Variants in ZNF638 observed in about 807,000 individuals in gnomAD.
The protein encoded by ZNF638 is zinc finger protein 638, also known as CTCL tumor antigen se33-1.
ZNF638 carries 46 observed loss-of-function variants against 195.6 expected under a neutral mutation model. The observed-to-expected ratio is 0.24, with a 90% CI of 0.19 to 0.30. The LOEUF (loss-of-function observed/expected upper bound fraction) is 0.30. ZNF638 is among the 10% of genes least tolerant of loss of function. The pLI is 1.00. For missense variants in ZNF638, 2,440 were observed against 2,325.3 expected, an observed-to-expected ratio of 1.05 and a Z score of -1.01; for synonymous variants, 845 against 772.0, an observed-to-expected ratio of 1.09 and a Z score of -1.57.
At chr2:71,414,203 G>A (rs1475344840) in intron 20 of ZNF638, among the ~76,000 whole-genome samples, 1 of 72,734 alleles carries the variant, frequency 1.4e-5, no homozygotes, top group African/African-American at 5.5e-5. Context: ...GTTTAGTCTT[G>A]GGAGAGTGTA....
At chr2:71,417,523 C>T (rs1478448501) in intron 20 of ZNF638, among the ~76,000 whole-genome samples, 1 of 131,984 alleles carries the variant, frequency 7.6e-6, no homozygotes, top group Admixed American at 7.5e-5. Context: ...AAAGGCACTT[C>T]AGTTGTCTGA....
intron 18 of ZNF638, 146 bp from the exon 19 acceptor site, chr2:71,405,982 C>T: frequency 1.2e-6 from 1 of 855,740 alleles, no homozygotes; most frequent in Non-Finnish European, 1.8e-6. Flanking sequence ...AAATTAAGAC[C>T]TCACTGTCTT....
At chr2:71,407,426 T>G (rs2080127860) in intron 19 of ZNF638, 2 of 152,242 alleles carry the variant, frequency 1.3e-5, no homozygotes, top group African/African-American at 2.4e-5. Flanking sequence ...TTCTCTTGTT[T>G]CCTTTAAATA....
chr2:71,423,950 C>A lies in ZNF638; in HGVS notation c.4436C>A (p.Ser1479Tyr), dbSNP rs1482134051. The A allele has an allele frequency of 2.5e-6, 4 of 1,613,910 alleles. No homozygotes were observed. Among genetic ancestry groups the A allele is most frequent in the Non-Finnish European group, 3.4e-6 (4 of 1,180,004 alleles). The change falls in exon 22 of 28, where the codon TCT becomes TAT. Residue 1479 changes from serine to tyrosine, a missense_variant. Ser to Tyr is a moderately radical substitution (Grantham distance 144, BLOSUM62 -2). Coordinates refer to ENST00000264447, the MANE Select transcript of ZNF638 (RefSeq NM_014497.5). ...GRISALQGKL[S>Y]KLDYRDITKQ... ...ATCTCAGCCCTGCAAGGCAAGCTTT[C>A]TAAACTGGATTACAGAGATATAACA...
intron 1 of ZNF638, among the ~76,000 whole-genome samples, chr2:71,332,314 C>A (rs1043598344): frequency 6.6e-6 from 1 of 152,224 alleles, no homozygotes; most frequent in South Asian, 2.1e-4. Context: ...GGAAGCGTTC[C>A]CGTCGGGCCC....
At chr2:71,418,696 T>C in intron 21 of ZNF638, 57 bp downstream of exon 21, 1 of 1,309,760 alleles carries the variant, frequency 7.6e-7, no homozygotes, top group Non-Finnish European at 1.0e-6. Context: ...CTGAATTTTA[T>C]TGCTGTATTT....
intron 1 of ZNF638, chr2:71,332,904 A>T (rs1333859727): frequency 6.6e-6 from 1 of 152,236 alleles, no homozygotes; most frequent in Admixed American, 6.5e-5. Flanking sequence ...ACCAGGATCC[A>T]GCGATTTATG....
At chr2:71,421,633 C>T (rs1252870030) in intron 21 of ZNF638, among the ~76,000 whole-genome samples, 2 of 152,146 alleles carry the variant, frequency 1.3e-5, no homozygotes, top group East Asian at 1.9e-4. Flanking sequence ...CATGGCCACC[C>T]TCTAAGAAGC....
chr2:71,433,146 G>C lies in ZNF638; in HGVS notation c.5753-19G>C, dbSNP rs899061591. On this transcript the variant is annotated intron_variant, in intron 26 of 27. Transcript: ENST00000264447. ...ATTAATTATTGTTAATTTTCTTCTT[G>C]TCTCTTCTTATCCTCTAGAATTAGA... 6.8e-7 allele frequency: 1 copy of C among 1,479,686 alleles called. No individual in the cohort carries two copies. Among genetic ancestry groups the C allele is most frequent in the African/African-American group, 1.4e-5 (1 of 71,824 alleles). The allele number at this position is 1,479,686 out of a possible 1,614,324, so 91.7% of individuals were successfully genotyped here.
At chr2:71,427,461 A>G (rs780992687) in intron 24 of ZNF638, 47 bp downstream of exon 24, 9 of 1,363,004 alleles carry the variant, frequency 6.6e-6, no homozygotes, top group Non-Finnish European at 8.8e-6. Context: ...AGGGGATTAC[A>G]TTTAAAATTA....
intron 17 of ZNF638, among the ~76,000 whole-genome samples, chr2:71,405,223 A>G (rs755264768): frequency 2.0e-5 from 3 of 151,976 alleles, no homozygotes; most frequent in African/African-American, 7.3e-5. Flanking sequence ...GTGCTGTTTT[A>G]TTTGCCTGCA....
intron 1 of ZNF638, among the ~76,000 whole-genome samples, chr2:71,343,257 TAAA>T (rs2078792906): frequency 6.6e-6 from 1 of 152,318 alleles, no homozygotes; most frequent in Non-Finnish European, 1.5e-5. Flanking sequence ...GCTTTGAAAC[TAAA>T]AAGTAGCCTG....
At chr2:71,339,168 T>TTTA (rs1553464106) in intron 1 of ZNF638, among the ~76,000 whole-genome samples, 2 of 124,516 alleles carry the variant, frequency 1.6e-5, no homozygotes, top group Non-Finnish European at 3.7e-5. Context: ...TTTTTTTTTT[T>TTTA]ATTGAGACGG....
intron 3 of ZNF638, among the ~76,000 whole-genome samples, chr2:71,356,122 A>G (rs2104221778): frequency 6.6e-6 from 1 of 152,318 alleles, no homozygotes; most frequent in East Asian, 1.9e-4. Flanking sequence ...AGGACAAGTA[A>G]CTGAAAATCA....
chr2:71,334,762 A>C (rs2078634119), intron 1 of ZNF638, among the ~76,000 whole-genome samples: 2 of 152,106 alleles, frequency 1.3e-5, no homozygotes, highest in African/African-American at 2.4e-5. Context: ...TACTAAAAAT[A>C]GAAAAAAAAT....
chr2:71,424,619 G>A (rs1452232929), intron 22 of ZNF638, 31 bp from the exon 23 acceptor site: 11 of 1,551,278 alleles, frequency 7.1e-6, no homozygotes, highest in Middle Eastern at 1.8e-4. Flanking sequence ...TGTAAATTCC[G>A]TTTTTCTGTA....
chr2:71,405,372 C>T (rs1399907261), intron 17 of ZNF638, among the ~76,000 whole-genome samples: 2 of 152,058 alleles, frequency 1.3e-5, no homozygotes, highest in Non-Finnish European at 2.9e-5. Context: ...TCTTATTAGT[C>T]TTTTATATTC....
At chr2:71,384,414 C>G (rs1573090639) in intron 10 of ZNF638, among the ~76,000 whole-genome samples, 1 of 152,192 alleles carries the variant, frequency 6.6e-6, no homozygotes, top group African/African-American at 2.4e-5. Context: ...CCCAGATTAT[C>G]TTTTGAACCT....
intron 8 of ZNF638, chr2:71,375,978 A>G (rs773630130): frequency 2.6e-5 from 4 of 152,192 alleles, no homozygotes; most frequent in Non-Finnish European, 5.9e-5. Flanking sequence ...AATTGTTGAG[A>G]AGGCCAGTTT....
Sources: allele counts gnomAD v4.1 joint callset (sites outside exome capture counted in the v4.1 genomes callset), GRCh38; gene constraint gnomAD v4.1.1; transcripts MANE v1.5; gene names NCBI Gene and HGNC (gene_info 2026-07-23, HGNC 2026-07-21).